ASS1: variants seen among roughly 807,000 people sequenced by gnomAD.
ASS1 encodes the protein argininosuccinate synthase 1, also known as argininosuccinate synthase.
ASS1 carries 58 observed loss-of-function variants against 60.5 expected under a neutral mutation model. The observed-to-expected ratio is 0.96, with a 90% confidence interval of 0.78 to 1.19. The LOEUF is 1.19. ASS1 is among the 50% of genes most tolerant of loss of function. The pLI, the probability that ASS1 is intolerant of heterozygous loss-of-function variation, is 0.00. For missense variants in ASS1, 454 were observed against 547.3 expected (o/e 0.83, Z 1.70); for synonymous variants, 200 against 206.9 (o/e 0.97, Z 0.29).
chr9:130,495,472 T>TACACACACACACAC lies in ASS1; in HGVS notation c.1127+465_1127+478dup, dbSNP rs71499245. On this transcript the variant is annotated intron_variant, in intron 13 of 14. Transcript: ENST00000352480. ...ATATATATATATATACACATACATA[T>TACACACACACACAC]ACACACACACACACACACACACACA... 3.0e-3 allele frequency among the ~76,000 whole-genome samples: 446 copies of TACACACACACACAC among 146,864 alleles called. 6 individuals carry two copies. Among genetic ancestry groups the TACACACACACACAC allele is most frequent in the South Asian group, 8.8e-3 (41 of 4,640 alleles).
In ASS1 at chr9:130,494,737, G is replaced by A; in HGVS notation, c.971-130G>A. 5 of 1,223,162 alleles carry A rather than the reference G, an allele frequency of 4.1e-6. No individual in the cohort carries two copies. Among genetic ancestry groups the A allele is most frequent in the Non-Finnish European group, 5.9e-6 (5 of 847,356 alleles). 75.8% of individuals were successfully genotyped at this position (1,223,162 alleles called of 1,614,324 possible). A position where few individuals can be genotyped will look rare whatever the true frequency, so the allele number is the denominator to read the frequency against. ...CCACTGGCAAGCGCACATTGTGCCA[G>A]TCTCGCGGGAGGCAGTCATGGTCTG... On this transcript the variant is annotated intron_variant, in intron 12 of 14. Coordinates refer to ENST00000352480, the MANE Select transcript of ASS1 (RefSeq NM_054012.4). This position sits in a 1 kb window ranked among gnomAD's most constrained non-coding sequence, Gnocchi z 4.3.
intron 12 of ASS1, among the ~76,000 whole-genome samples, chr9:130,492,114 C>T (rs184253684): frequency 1.3e-5 from 2 of 152,304 alleles, no homozygotes; most frequent in African/African-American, 2.4e-5. Context: ...GTCTGGCAGA[C>T]GAGTGCTTAT....
chr9:130,445,249 AGT>A, intron 1 of ASS1: 1 of 132,038 alleles, frequency 7.6e-6, no homozygotes, highest in Non-Finnish European at 1.1e-5. Flanking sequence ...CGGGGGCGCG[AGT>A]CCCCGGGTCC....
intron 12 of ASS1, among the ~76,000 whole-genome samples, chr9:130,492,989 G>C (rs1270483710): frequency 6.6e-6 from 1 of 152,224 alleles, no homozygotes; most frequent in Non-Finnish European, 1.5e-5. Flanking sequence ...CTCCCACAGA[G>C]ATCTCTGTCC....
intron 14 of ASS1, 143 bp from the exon 15 acceptor site, chr9:130,500,833 G>A: frequency 1.3e-6 from 1 of 767,020 alleles, no homozygotes; most frequent in Non-Finnish European, 2.3e-6. Flanking sequence ...CAGGGCGGGA[G>A]AGGGAATAGA....
intron 4 of ASS1, among the ~76,000 whole-genome samples, chr9:130,461,349 G>T (rs1207880172): frequency 6.6e-6 from 1 of 151,692 alleles, no homozygotes; most frequent in African/African-American, 2.4e-5. Flanking sequence ...GGCCACCAGA[G>T]GGCGCCAGAG....
intron 1 of ASS1, chr9:130,445,324 TC>T: frequency 1.2e-6 from 1 of 802,796 alleles, no homozygotes; most frequent in Non-Finnish European, 1.5e-6. Context: ...CCTTGTCGGA[TC>T]CGGCTTCCTC....
chr9:130,501,006 G>C lies in ASS1; in HGVS notation c.1224G>C (p.Lys408Asn), dbSNP rs758336855. ...AGGAATATCATCGTCTCCAGAGCAA[G>C]GTCACTGCCAAATAGACCCGTGTAC... is the stretch of plus-strand genomic sequence containing the variant. ...RLKEYHRLQS[K>N]VTAK is the part of the protein sequence containing the mutation. Residue 408 changes from lysine to asparagine, a missense_variant, in exon 15 of 15, where the codon AAG (lysine) becomes AAC (asparagine). Coordinates refer to ENST00000352480, the MANE Select transcript of ASS1 (RefSeq NM_054012.4). The C allele has an allele frequency of 1.9e-6, 3 of 1,613,480 alleles. No homozygotes were observed. Among genetic ancestry groups the C allele is most frequent in the Admixed American group, 3.3e-5 (2 of 60,014 alleles).
intron 5 of ASS1, 144 bp from the exon 6 acceptor site, chr9:130,466,581 C>G: frequency 3.8e-6 from 3 of 781,768 alleles, no homozygotes; most frequent in Non-Finnish European, 6.5e-6. Flanking sequence ...GGGGCTCCCT[C>G]TCACCCTCAC....
rs1409704514 is a variant in ASS1 at position 130,491,279 on chromosome 9, G to A, written c.970+1815G>A. ...CCGAAAGGAGGATTTTAGTTACAAA[G>A]TGAGAGAGTCATTAAGACGTGGCGG... On this transcript the variant is annotated intron_variant, in intron 12 of 14. Coordinates refer to ENST00000352480, the MANE Select transcript of ASS1 (RefSeq NM_054012.4). This position sits in a 1 kb window ranked among gnomAD's most constrained non-coding sequence, Gnocchi z 5.3. Among the ~76,000 whole-genome samples the A allele has an allele frequency of 1.3e-5, 2 of 152,182 alleles. No homozygotes were observed.
intron 5 of ASS1, among the ~76,000 whole-genome samples, chr9:130,466,279 A>C (rs948324420): frequency 5.9e-5 from 9 of 152,084 alleles, no homozygotes; most frequent in Admixed American, 1.3e-4. Context: ...CACCCAGAGA[A>C]GTGGGTGGGG....
intron 11 of ASS1, among the ~76,000 whole-genome samples, chr9:130,484,528 C>T (rs553323625): frequency 9.9e-5 from 15 of 151,944 alleles, no homozygotes; most frequent in Non-Finnish European, 2.1e-4. Context: ...CTGTCTTTTT[C>T]CTGTAAACAC....
intron 8 of ASS1, among the ~76,000 whole-genome samples, chr9:130,473,023 G>C (rs1845909125): frequency 6.6e-6 from 1 of 152,190 alleles, no homozygotes; most frequent in African/African-American, 2.4e-5. Flanking sequence ...GCCTGGAGCA[G>C]GTTACTGAGC....
rs567943726 is a variant in ASS1, at chr9:130,480,774, G to A, written c.838+325G>A. On this transcript the variant is annotated intron_variant, in intron 11 of 14. Coordinates refer to ENST00000352480, the MANE Select transcript of ASS1 (RefSeq NM_054012.4). ...GTCTTGTGTCTGGGGTGGGCAGGCC[G>A]GGTGTGGAGGCAGACCGTGCAGGCC... 1.0e-3 allele frequency among the ~76,000 whole-genome samples: 154 copies of A among 152,334 alleles called. 1 individual carries two copies. The highest frequency in any genetic ancestry group is 3.5e-3 in the African/African-American group (146 of 41,578).
At position 130,489,509 on chromosome 9, in the gene ASS1, G is replaced by T. The variant is rs763608884; in HGVS notation, c.970+45G>T. On this transcript the variant is annotated intron_variant, in intron 12 of 14. Transcript: ENST00000352480. This position sits in a 1 kb window ranked among gnomAD's most constrained non-coding sequence, Gnocchi z 4.1. ...TGCCCCCTCTAACCGCCTCACAAGG[G>T]ATCCCAAAGTACTATCAGGCTCTCG... 5 of 1,613,476 alleles carry T rather than the reference G, an allele frequency of 3.1e-6. No individual in the cohort carries two copies. In the Admixed American group the frequency reaches 8.3e-5, roughly 27 times the overall value.
chr9:130,500,205 C>A (rs1217664190), intron 14 of ASS1, among the ~76,000 whole-genome samples: 4 of 152,180 alleles, frequency 2.6e-5, no homozygotes, highest in Non-Finnish European at 5.9e-5. Flanking sequence ...CAGCCCAGGG[C>A]CGGTGTGCTC....
Position 130,478,868 on chromosome 9 carries a change from C to T in ASS1, c.689-848C>T, listed in dbSNP as rs1017650451. Among the ~76,000 whole-genome samples the T allele has an allele frequency of 2.0e-5, 3 of 152,174 alleles. No individual in the cohort carries two copies. The highest frequency in any genetic ancestry group is 2.4e-5 in the African/African-American group (1 of 41,436). ...GCGCCTTGAGTGAAGCCCCTCCAAGCGGCGCCTGGCTAATAAAGCCTCGAA... is the reference window on the plus strand; with the variant it reads ...GCGCCTTGAGTGAAGCCCCTCCAAGTGGCGCCTGGCTAATAAAGCCTCGAA... On this transcript the variant is annotated intron_variant, in intron 9 of 14. Coordinates refer to ENST00000352480, the MANE Select transcript of ASS1 (RefSeq NM_054012.4). The surrounding 1 kb of genome is among the most constrained non-coding windows in gnomAD (Gnocchi z 4.7).
intron 4 of ASS1, among the ~76,000 whole-genome samples, chr9:130,460,749 G>A (rs1845570632): frequency 6.6e-6 from 1 of 152,204 alleles, no homozygotes; most frequent in Non-Finnish European, 1.5e-5. Context: ...GTGGGTGGAA[G>A]GAGGTCTCAG....
intron 11 of ASS1, among the ~76,000 whole-genome samples, chr9:130,484,851 A>C (rs1846269572): frequency 6.6e-6 from 1 of 151,860 alleles, no homozygotes; most frequent in African/African-American, 2.4e-5. Context: ...GCGCGTCGGC[A>C]GCAACCTAAA....
Sources: gnomAD v4.1 joint callset for allele counts (sites outside exome capture counted in the v4.1 genomes callset) on GRCh38, gnomAD v4.1.1 for gene constraint, Gnocchi (gnomAD v3.1) non-coding constraint, MANE v1.5 for transcripts, NCBI Gene and HGNC (gene_info 2026-07-23, HGNC 2026-07-21) for gene names.